The following TPX2 variants were observed in gnomAD, a reference collection of about 807,000 sequenced individuals.
TPX2 encodes the protein targeting protein for Xklp2.
Under a neutral mutation model 93.6 loss-of-function variants are expected in TPX2, and 21 were observed. That is an observed-to-expected ratio of 0.22 (90% CI 0.16 to 0.32). TPX2 has a LOEUF of 0.32. Among genes scored for constraint, TPX2 ranks in the 10% least tolerant of loss-of-function variants. TPX2 has a pLI of 1.00. For synonymous variants in TPX2, 281 were observed against 298.3 expected (o/e 0.94, Z 0.60); for missense variants, 776 against 871.1 (o/e 0.89, Z 1.37).
chr20:31,787,280 A>G (rs2062073035), intron 12 of TPX2, among the ~76,000 whole-genome samples: 1 of 150,222 alleles, frequency 6.7e-6, no homozygotes, highest in Non-Finnish European at 1.5e-5. Flanking sequence ...GTACCCTACA[A>G]TGCTTACTGT....
chr20:31,782,215 G>T, intron 10 of TPX2, 34 bp from the exon 11 acceptor site: 1 of 1,584,042 alleles, frequency 6.3e-7, no homozygotes, highest in Non-Finnish European at 8.6e-7. Context: ...GGGTCTTGCG[G>T]ATCTAGATGA....
At chr20:31,800,842 A>G (rs1226427433) in intron 17 of TPX2, 128 bp from the exon 18 acceptor site, 5 of 779,292 alleles carry the variant, frequency 6.4e-6, no homozygotes, top group Middle Eastern at 2.5e-4. Context: ...CCCACTCCCC[A>G]CACCTGAAAC....
intron 4 of TPX2, among the ~76,000 whole-genome samples, chr20:31,760,782 A>G (rs1325226833): frequency 6.6e-6 from 1 of 152,184 alleles, no homozygotes; most frequent in Non-Finnish European, 1.5e-5. Context: ...ACTGCTTGCC[A>G]TTGTACAAGA....
At chr20:31,792,518 A>T (rs1410710628) in intron 12 of TPX2, among the ~76,000 whole-genome samples, 1 of 151,380 alleles carries the variant, frequency 6.6e-6, no homozygotes, top group Non-Finnish European at 1.5e-5. Context: ...AAAACTCAAA[A>T]ATATCATTCT....
intron 11 of TPX2, among the ~76,000 whole-genome samples, chr20:31,782,961 AACTT>A (rs1261092711): frequency 2.6e-5 from 4 of 151,712 alleles, no homozygotes; most frequent in Non-Finnish European, 4.4e-5. Context: ...GCAGTAGAAG[AACTT>A]ACTTAGGATT....
intron 12 of TPX2, among the ~76,000 whole-genome samples, chr20:31,791,712 G>A (rs2062102444): frequency 6.6e-6 from 1 of 152,312 alleles, no homozygotes; most frequent in Non-Finnish European, 1.5e-5. Context: ...TAGCAGAATG[G>A]CACAGGCAAT....
Position 31,739,441 on chromosome 20 carries a change from C to G in TPX2, c.-358C>G, listed in dbSNP as rs543710018. On this transcript the variant is annotated 5_prime_UTR_variant, in exon 1 of 18. Transcript: ENST00000300403. ...CTGAAGTTCACCTTCCAGCCCCTAG[C>G]GCCGTTCGCGCCGCTAGGCCTGGCT... is the stretch of plus-strand genomic sequence containing the variant. 76 of 152,352 alleles carry G rather than the reference C, an allele frequency of 5.0e-4. No individual in the cohort carries two copies. Among genetic ancestry groups the G allele is most frequent in the African/African-American group, 1.7e-3 (72 of 41,588 alleles). 9.4% of individuals were successfully genotyped at this position (152,352 alleles called of 1,614,324 possible).
intron 11 of TPX2, 73 bp downstream of exon 11, chr20:31,782,463 G>T: frequency 6.6e-7 from 1 of 1,519,506 alleles, no homozygotes; most frequent in South Asian, 1.3e-5. Flanking sequence ...CTGTTAGGGT[G>T]ACAGTTGCTA....
At chr20:31,771,459 A>G in intron 6 of TPX2, 101 bp from the exon 7 acceptor site, 1 of 1,437,164 alleles carries the variant, frequency 7.0e-7, no homozygotes, top group Non-Finnish European at 9.3e-7. Context: ...GTTATCCTAT[A>G]GAATGAGAAA....
intron 12 of TPX2, among the ~76,000 whole-genome samples, chr20:31,785,502 GT>G (rs1049481149): frequency 2.6e-4 from 37 of 142,098 alleles, no homozygotes; most frequent in Admixed American, 2.1e-4. Flanking sequence ...TTTTTGTTTT[GT>G]TTTTTTTTTT....
At chr20:31,777,782 T>A in intron 9 of TPX2, 144 bp downstream of exon 9, 1 of 722,626 alleles carries the variant, frequency 1.4e-6, no homozygotes, top group Non-Finnish European at 1.9e-6. Context: ...TAACAGATCT[T>A]TTTTTTTTTT....
Position 31,782,459 on chromosome 20 carries a change from G to A in TPX2, c.1196+69G>A, listed in dbSNP as rs1363789806. On this transcript the variant is annotated intron_variant, in intron 11 of 17. Transcript: ENST00000300403. ...GCCTACTTTATTTTCAGTTCTGTTAGGGTGACAGTTGCTATTTTTCTTTCC... is the reference window on the plus strand; with the variant it reads ...GCCTACTTTATTTTCAGTTCTGTTAAGGTGACAGTTGCTATTTTTCTTTCC... The A allele has an allele frequency of 3.9e-6, 6 of 1,523,688 alleles. No individual in the cohort carries two copies. The Admixed American group carries it at 1.1e-4, about 28-fold the overall frequency. The allele number at this position is 1,523,688 out of a possible 1,614,324, so 94.4% of individuals were successfully genotyped here.
chr20:31,791,442 C>G (rs1294144431), intron 12 of TPX2, among the ~76,000 whole-genome samples: 2 of 152,130 alleles, frequency 1.3e-5, no homozygotes. Flanking sequence ...CGCCACCATG[C>G]CCGGCTAATT....
In TPX2 at chr20:31,798,517, A is replaced by G. The variant is rs766589316; in HGVS notation, c.2098A>G (p.Lys700Glu). ...GGCCAGACTACAGGAGGAAGAGCAG[A>G]AAAAAGAGGAGCTGGCCAGGCTACG... is the stretch of plus-strand genomic sequence containing the variant. ...EEARLQEEEQ[K>E]KEELARLRRE... Residue 700 changes from lysine to glutamate, a missense_variant, in exon 17 of 18, where the codon AAA becomes GAA. Physicochemically the swap from Lys to Glu is moderately conservative, Grantham distance 56 (BLOSUM62 1). Coordinates refer to ENST00000300403, the MANE Select transcript of TPX2 (RefSeq NM_012112.5). The G allele has an allele frequency of 9.3e-6, 15 of 1,611,942 alleles. No homozygotes were observed. Among genetic ancestry groups the G allele is most frequent in the Middle Eastern group, 1.9e-4 (1 of 5,144 alleles).
chr20:31,783,913 G>T lies in TPX2; in HGVS notation c.1405G>T (p.Asp469Tyr). The T allele has an allele frequency of 1.2e-6, 2 of 1,613,330 alleles. No homozygotes were observed. The highest frequency in any genetic ancestry group is 3.3e-5 in the Admixed American group (2 of 59,728). ...ACCTTGCCCTACTAAGATTTTGGAAGATGTTGTGGTAAGGTTGAGGCTATG... is the reference window on the plus strand; with the variant it reads ...ACCTTGCCCTACTAAGATTTTGGAATATGTTGTGGTAAGGTTGAGGCTATG... ...SRPCPTKILEDVVGVPEKKVL... is the reference protein window; with the variant it reads ...SRPCPTKILEYVVGVPEKKVL... Residue 469 changes from aspartate to tyrosine, a missense_variant, in exon 12 of 18, where the codon GAT becomes TAT. Asp to Tyr is a radical substitution (Grantham distance 160, BLOSUM62 -3). Coordinates refer to ENST00000300403, the MANE Select transcript of TPX2 (RefSeq NM_012112.5).
chr20:31,739,876 G>C lies in TPX2; in HGVS notation c.-178+255G>C, dbSNP rs536308273. On this transcript the variant is annotated intron_variant, in intron 1 of 17. Coordinates refer to ENST00000300403, the MANE Select transcript of TPX2 (RefSeq NM_012112.5). ...GTGGCGTTTGATGGAGGAAAACAGA[G>C]GTAGTCACAAATAAGTACATTTCAA... Among the ~76,000 whole-genome samples the C allele has an allele frequency of 9.2e-5, 14 of 152,252 alleles. No homozygotes were observed. In the South Asian group the frequency reaches 2.9e-3, roughly 32 times the overall value.
intron 4 of TPX2, 89 bp downstream of exon 4, chr20:31,760,268 CTCTA>C (rs1472765131): frequency 1.6e-5 from 25 of 1,519,830 alleles, no homozygotes; most frequent in African/African-American, 8.4e-5. Context: ...TACCTAAATG[CTCTA>C]TCTCTTTGTT....
In TPX2 at chr20:31,762,271, A is replaced by G. The variant is rs572364979; in HGVS notation, c.229+2092A>G. On this transcript the variant is annotated intron_variant, in intron 4 of 17. Coordinates refer to ENST00000300403, the MANE Select transcript of TPX2 (RefSeq NM_012112.5). Reference sequence around the variant, plus strand: ...TTGTCTACTTTTGCTTTTGTTGCCTATACTTTTGAGGTCATGTTCATAGGA... The same window carrying G: ...TTGTCTACTTTTGCTTTTGTTGCCTGTACTTTTGAGGTCATGTTCATAGGA... Among the ~76,000 whole-genome samples, 5 of 152,268 alleles carry G rather than the reference A, an allele frequency of 3.3e-5. No homozygotes were observed. In the East Asian group the frequency reaches 9.6e-4, roughly 29 times the overall value.
At chr20:31,783,161 C>A (rs1054978398) in intron 11 of TPX2, among the ~76,000 whole-genome samples, 7 of 152,180 alleles carry the variant, frequency 4.6e-5, no homozygotes, top group South Asian at 4.1e-4. Context: ...GGGGGAGCTT[C>A]TTCTGTGAAG....
Sources: allele counts gnomAD v4.1 joint callset (sites outside exome capture counted in the v4.1 genomes callset), GRCh38; gene constraint gnomAD v4.1.1; transcripts MANE v1.5; gene names NCBI Gene and HGNC (gene_info 2026-07-23, HGNC 2026-07-21).